Variants in PARD3 observed in about 807,000 individuals in gnomAD.
PARD3 encodes par-3 family cell polarity regulator.
Under a neutral mutation model 155.4 loss-of-function variants are expected in PARD3, and 75 were observed. That is an observed-to-expected ratio of 0.48 (90% CI 0.40 to 0.58). The LOEUF (loss-of-function observed/expected upper bound fraction) is 0.58. Ranked by LOEUF, PARD3 falls within the 20% of genes least tolerant of loss-of-function variation. PARD3 has a pLI of 0.00. For missense variants in PARD3, 1,642 were observed against 1,721.7 expected (o/e 0.95, Z 0.82); for synonymous variants, 576 against 610.5 (o/e 0.94, Z 0.83).
chr10:34,470,965 C>T (rs1276131396), intron 3 of PARD3, among the ~76,000 whole-genome samples: 1 of 152,122 alleles, frequency 6.6e-6, no homozygotes, highest in Non-Finnish European at 1.5e-5. Context: ...ATGCATGTAT[C>T]AAAACATCAC....
chr10:34,627,022 CTTT>C (rs75287986), intron 2 of PARD3, among the ~76,000 whole-genome samples: 1 of 143,398 alleles, frequency 7.0e-6, no homozygotes, highest in Non-Finnish European at 1.5e-5. Context: ...AGATACCCAT[CTTT>C]TTTTTTTTTT....
intron 14 of PARD3, among the ~76,000 whole-genome samples, chr10:34,355,969 AC>A (rs1309289121): frequency 9.3e-5 from 14 of 150,834 alleles, no homozygotes; most frequent in African/African-American, 2.5e-4. Flanking sequence ...AAACAAAAAA[AC>A]AGACAACAGA....
At chr10:34,437,509 A>G (rs1232965837) in intron 5 of PARD3, among the ~76,000 whole-genome samples, 2 of 152,152 alleles carry the variant, frequency 1.3e-5, no homozygotes, top group East Asian at 3.8e-4. Context: ...TGTAACATCC[A>G]TGTTTTATAT....
At chr10:34,629,920 T>C (rs1241133966) in intron 2 of PARD3, among the ~76,000 whole-genome samples, 1 of 152,202 alleles carries the variant, frequency 6.6e-6, no homozygotes, top group Non-Finnish European at 1.5e-5. Flanking sequence ...TTCATATATG[T>C]AGATATTTAT....
Position 34,303,162 on chromosome 10 carries a change from A to ATTT in PARD3, c.3065+13942_3065+13944dup, listed in dbSNP as rs5784409. Among the ~76,000 whole-genome samples the ATTT allele has an allele frequency of 4.5e-3, 592 of 131,936 alleles. 4 individuals are homozygous for ATTT. Among genetic ancestry groups the ATTT allele is most frequent in the Non-Finnish European group, 6.3e-3 (398 of 63,594 alleles). The allele number at this position is 131,936 out of a possible 152,430, so 86.6% of individuals were successfully genotyped here. A position where few individuals can be genotyped will look rare whatever the true frequency, so the allele number is the denominator to read the frequency against. On this transcript the variant is annotated intron_variant, in intron 20 of 24. Coordinates refer to ENST00000374788, the MANE Select transcript of PARD3 (RefSeq NM_001184785.2). Reference sequence around the variant, plus strand: ...AGAATTTATTTTACTGCCCAGGTGAATTTTTTTTTTTTTTTTTTTTGTGCA... The same window carrying ATTT: ...AGAATTTATTTTACTGCCCAGGTGAATTTTTTTTTTTTTTTTTTTTTTTGTGCA...
At chr10:34,784,250 G>A (rs1031991239) in intron 1 of PARD3, among the ~76,000 whole-genome samples, 1 of 151,926 alleles carries the variant, frequency 6.6e-6, no homozygotes, top group Non-Finnish European at 1.5e-5. Context: ...AAAGTTAATA[G>A]TATTCCAAGT....
At chr10:34,435,102 T>C (rs995448943) in intron 5 of PARD3, among the ~76,000 whole-genome samples, 4 of 152,184 alleles carry the variant, frequency 2.6e-5, no homozygotes, top group African/African-American at 9.7e-5. Flanking sequence ...AAATTCCACA[T>C]TTGATATCTA....
At chr10:34,501,612 G>A (rs1323902111) in intron 3 of PARD3, among the ~76,000 whole-genome samples, 3 of 152,078 alleles carry the variant, frequency 2.0e-5, no homozygotes, top group South Asian at 2.1e-4. Context: ...TAGGTCAGAT[G>A]CTCATTTCAT....
chr10:34,379,687 G>A (rs553191968), intron 9 of PARD3, among the ~76,000 whole-genome samples: 1 of 152,214 alleles, frequency 6.6e-6, no homozygotes, highest in South Asian at 2.1e-4. Context: ...GGAAAGATAA[G>A]TAGATATCAA....
intron 1 of PARD3, among the ~76,000 whole-genome samples, chr10:34,738,455 T>C (rs1277089461): frequency 2.6e-5 from 4 of 152,354 alleles, no homozygotes; most frequent in South Asian, 2.1e-4. Context: ...GCTGGGGTTA[T>C]AGGTGTGAGC....
intron 7 of PARD3, among the ~76,000 whole-genome samples, chr10:34,395,183 T>C (rs1029407355): frequency 6.6e-6 from 1 of 152,076 alleles, no homozygotes; most frequent in Non-Finnish European, 1.5e-5. Flanking sequence ...TACAGGCACC[T>C]GCCACAATGC....
intron 2 of PARD3, among the ~76,000 whole-genome samples, chr10:34,625,042 T>G (rs977778456): frequency 1.3e-5 from 2 of 152,136 alleles, no homozygotes; most frequent in African/African-American, 4.8e-5. Flanking sequence ...GCTCAACTGC[T>G]CAGCTTCCAC....
At chr10:34,645,035 T>C (rs980907191) in intron 2 of PARD3, among the ~76,000 whole-genome samples, 2 of 152,084 alleles carry the variant, frequency 1.3e-5, no homozygotes, top group African/African-American at 4.8e-5. Context: ...TTATATTTTG[T>C]AGTGATGGGG....
At chr10:34,245,138 G>A (rs1953861051) in intron 22 of PARD3, among the ~76,000 whole-genome samples, 1 of 152,188 alleles carries the variant, frequency 6.6e-6, no homozygotes, top group Admixed American at 6.5e-5. Flanking sequence ...GGAAGTCTTA[G>A]CAGACATACA....
intron 22 of PARD3, among the ~76,000 whole-genome samples, chr10:34,195,677 G>A (rs1950903050): frequency 6.6e-6 from 1 of 152,102 alleles, no homozygotes; most frequent in Non-Finnish European, 1.5e-5. Flanking sequence ...GAATGAGAAG[G>A]GACAGAAGGT....
chr10:34,785,898 A>G (rs11009932), intron 1 of PARD3, among the ~76,000 whole-genome samples: 1,754 of 152,332 alleles, frequency 0.012, 28 homozygotes, highest in African/African-American at 0.039. Flanking sequence ...CCCTAGTTCA[A>G]AGAAGCACTT....
chr10:34,131,494 C>T lies in PARD3; in HGVS notation c.3509G>A (p.Arg1170His), dbSNP rs143108071. The change falls in exon 23 of 25, where the codon CGT becomes CAT. Residue 1170 changes from arginine to histidine, a missense_variant. Physicochemically the swap from Arg to His is conservative, Grantham distance 29. Around this residue, in one of 3 missense-constraint regions of PARD3, gnomAD observed 1,529 missense variants for 1,587.3 expected, o/e 0.96. Transcript: ENST00000374788. ...QAKQDEDVED[R>H]RRTYSFEQPW... The stretch of plus-strand genomic sequence containing the variant: ...TTGCTCAAAACTATAGGTCCGCCGA[C>T]GATCTTCTACATCTTCATCTTGCTT... 6.8e-5 allele frequency: 109 copies of T among 1,614,112 alleles called. No homozygotes were observed. In the African/African-American group the frequency reaches 9.5e-4, roughly 14 times the overall value.
chr10:34,729,917 C>T (rs968089438), intron 1 of PARD3, among the ~76,000 whole-genome samples: 17 of 151,990 alleles, frequency 1.1e-4, no homozygotes, highest in African/African-American at 3.1e-4. Context: ...TCCTTCCTTC[C>T]GATAAAAACA....
At chr10:34,709,327 T>G in intron 1 of PARD3, among the ~76,000 whole-genome samples, 1 of 152,230 alleles carries the variant, frequency 6.6e-6, no homozygotes, top group East Asian at 1.9e-4. Flanking sequence ...ATTTTCCACT[T>G]GTGGTATCAT....
Sources: gnomAD v4.1 joint callset for allele counts (sites outside exome capture counted in the v4.1 genomes callset) on GRCh38, gnomAD v4.1.1 for gene constraint, gnomAD v4.1.1 regional missense constraint, MANE v1.5 for transcripts, NCBI Gene and HGNC (gene_info 2026-07-23, HGNC 2026-07-21) for gene names.